Variants in TRPC4AP observed in about 807,000 individuals in gnomAD.
The protein encoded by TRPC4AP is transient receptor potential cation channel subfamily C member 4 associated protein.
A neutral mutation model predicts 99.0 loss-of-function variants in TRPC4AP; 45 were observed. The ratio of observed to expected loss-of-function variants is 0.45; its 90% CI spans 0.36 to 0.58. TRPC4AP has a LOEUF of 0.58. Ranked by LOEUF, TRPC4AP falls within the 20% of genes least tolerant of loss-of-function variation. The pLI is 0.00. For missense variants in TRPC4AP, 879 were observed against 985.3 expected (o/e 0.89, Z 1.44); for synonymous variants, 408 against 385.8 (o/e 1.06, Z -0.67).
intron 6 of TRPC4AP, among the ~76,000 whole-genome samples, chr20:35,045,220 A>G (rs1330487129): frequency 6.6e-6 from 1 of 152,192 alleles, no homozygotes. Context: ...ATACTTACAA[A>G]TATTTCCATT....
chr20:35,085,672 A>C (rs1421870956), intron 1 of TRPC4AP, among the ~76,000 whole-genome samples: 4 of 152,088 alleles, frequency 2.6e-5, no homozygotes, highest in Non-Finnish European at 5.9e-5. Flanking sequence ...CACTGTGACA[A>C]AAGTGCCACC....
intron 2 of TRPC4AP, among the ~76,000 whole-genome samples, chr20:35,074,285 T>A (rs1282355777): frequency 6.6e-6 from 1 of 152,220 alleles, no homozygotes; most frequent in Admixed American, 6.5e-5. Flanking sequence ...ACTGCTCTGA[T>A]CTTAGTTATT....
At chr20:35,044,443 A>G in intron 7 of TRPC4AP, 62 bp downstream of exon 7, 3 of 1,437,344 alleles carry the variant, frequency 2.1e-6, no homozygotes, top group Non-Finnish European at 2.8e-6. Context: ...AAAAAAAACT[A>G]GATGATTTAG....
chr20:35,023,013 C>A (rs1267343470), intron 8 of TRPC4AP, among the ~76,000 whole-genome samples: 1 of 132,812 alleles, frequency 7.5e-6, no homozygotes, highest in Non-Finnish European at 1.6e-5. Flanking sequence ...GGCGACAGAG[C>A]TGGACTGTCT....
intron 1 of TRPC4AP, among the ~76,000 whole-genome samples, chr20:35,083,408 T>C (rs1192618801): frequency 6.6e-6 from 1 of 151,526 alleles, no homozygotes; most frequent in Non-Finnish European, 1.5e-5. Context: ...GAGTCTAGCC[T>C]GACCAACATG....
At chr20:35,038,854 C>T (rs1404919359) in intron 7 of TRPC4AP, among the ~76,000 whole-genome samples, 1 of 152,164 alleles carries the variant, frequency 6.6e-6, no homozygotes, top group African/African-American at 2.4e-5. Context: ...GGGTGGATCA[C>T]CTGAGTTTGG....
chr20:35,010,616 G>T (rs1998231), intron 11 of TRPC4AP, among the ~76,000 whole-genome samples: 88,383 of 151,684 alleles, frequency 0.58, 26,833 homozygotes, highest in Middle Eastern at 0.74. Flanking sequence ...CACCTCAACA[G>T]GTCCAATCAC....
intron 10 of TRPC4AP, among the ~76,000 whole-genome samples, chr20:35,015,366 T>C (rs569625017): frequency 6.6e-6 from 1 of 151,874 alleles, no homozygotes; most frequent in East Asian, 1.9e-4. Flanking sequence ...AGCAGGCTGC[T>C]AGCTCATGCA....
intron 3 of TRPC4AP, among the ~76,000 whole-genome samples, chr20:35,064,431 G>A (rs2084087464): frequency 6.6e-6 from 1 of 152,240 alleles, no homozygotes; most frequent in African/African-American, 2.4e-5. Context: ...TCTTTAGAAA[G>A]TAATTCACAT....
At chr20:35,056,985 CAA>C (rs398035624) in intron 4 of TRPC4AP, among the ~76,000 whole-genome samples, 1 of 90,272 alleles carries the variant, frequency 1.1e-5, no homozygotes. Context: ...GAGACTGTCT[CAA>C]AAAAAAAAAA....
intron 1 of TRPC4AP, among the ~76,000 whole-genome samples, chr20:35,084,602 GTATATGTATATATGTT>G (rs2146034838): frequency 7.8e-6 from 1 of 127,546 alleles, no homozygotes; most frequent in Admixed American, 8.4e-5. Flanking sequence ...GCATATATGT[GTATATGTATATATGTT>G]TATATGCATA....
At chr20:35,074,218 G>A (rs971122972) in intron 2 of TRPC4AP, among the ~76,000 whole-genome samples, 11 of 152,080 alleles carry the variant, frequency 7.2e-5, no homozygotes, top group East Asian at 1.9e-4. Flanking sequence ...TTCGAAAAAC[G>A]AGCTTCTGGA....
intron 12 of TRPC4AP, 82 bp downstream of exon 12, chr20:35,010,105 C>T: frequency 8.7e-7 from 1 of 1,150,130 alleles, no homozygotes. Context: ...CGCGTGCATA[C>T]CTGGATGTGC....
At chr20:35,089,138 G>T (rs2084968429) in intron 1 of TRPC4AP, among the ~76,000 whole-genome samples, 1 of 151,546 alleles carries the variant, frequency 6.6e-6, no homozygotes, top group South Asian at 2.1e-4. Flanking sequence ...CAAAGTGTTG[G>T]GATTACAGGT....
intron 7 of TRPC4AP, among the ~76,000 whole-genome samples, chr20:35,043,862 AGAG>A (rs1470426878): frequency 6.6e-6 from 1 of 152,234 alleles, no homozygotes; most frequent in East Asian, 1.9e-4. Context: ...ACTGCAGACA[AGAG>A]GAGATTAGTG....
intron 9 of TRPC4AP, 114 bp from the exon 10 acceptor site, chr20:35,016,253 G>C: frequency 7.9e-7 from 1 of 1,266,212 alleles, no homozygotes; most frequent in South Asian, 1.3e-5. Flanking sequence ...AGTACTGTCA[G>C]TAAGGAGGGC....
chr20:35,055,768 T>C (rs2083812286), intron 4 of TRPC4AP, among the ~76,000 whole-genome samples: 1 of 152,072 alleles, frequency 6.6e-6, no homozygotes, highest in Non-Finnish European at 1.5e-5. Flanking sequence ...ATCAGACTCA[T>C]TAACTGAGCA....
intron 2 of TRPC4AP, among the ~76,000 whole-genome samples, chr20:35,074,324 T>A (rs541003673): frequency 1.3e-5 from 2 of 152,184 alleles, no homozygotes; most frequent in Admixed American, 1.3e-4. Flanking sequence ...TTTGAATGTG[T>A]TTGCTCTTGC....
intron 3 of TRPC4AP, among the ~76,000 whole-genome samples, chr20:35,063,208 C>T (rs1051272923): frequency 2.0e-5 from 3 of 152,216 alleles, no homozygotes; most frequent in African/African-American, 4.8e-5. Context: ...GCCTGCTTCT[C>T]CTTTGCCTTC....
Sources: gnomAD v4.1 joint callset for allele counts (sites outside exome capture counted in the v4.1 genomes callset) on GRCh38, gnomAD v4.1.1 for gene constraint, MANE v1.5 for transcripts, NCBI Gene and HGNC (gene_info 2026-07-23, HGNC 2026-07-21) for gene names.